Variants in AGBL4 observed in about 807,000 individuals in gnomAD.
AGBL4 encodes the protein AGBL carboxypeptidase 4.
Under a neutral mutation model 66.4 loss-of-function variants are expected in AGBL4, and 58 were observed. That is an observed-to-expected ratio of 0.87 (90% CI 0.71 to 1.09). The LOEUF is 1.09. Among genes scored for constraint, AGBL4 ranks in the 50% least tolerant of loss-of-function variants. The pLI is 0.00. For synonymous variants in AGBL4, 234 were observed against 222.9 expected, an observed-to-expected ratio of 1.05 and a Z score of -0.44; for missense variants, 579 against 631.0, an observed-to-expected ratio of 0.92 and a Z score of 0.88.
chr1:48,545,303 T>C (rs909855100), intron 11 of AGBL4, among the ~76,000 whole-genome samples: 2 of 151,896 alleles, frequency 1.3e-5, no homozygotes, highest in Non-Finnish European at 1.5e-5. Flanking sequence ...AAAATGGGCA[T>C]TTTCTGGGAC....
rs567830729 is a variant in AGBL4, at chr1:49,888,557, A to G, written c.35-37039T>C. ...AATATTTAATTAATAAATAAGAGTTAAACTAAAGGGATACATTACAACTGT... is the reference window on the plus strand; with the variant it reads ...AATATTTAATTAATAAATAAGAGTTGAACTAAAGGGATACATTACAACTGT... On this transcript the variant is annotated intron_variant, in intron 1 of 13. Transcript: ENST00000371839. Among the ~76,000 whole-genome samples, 17 of 152,344 alleles carry G rather than the reference A, an allele frequency of 1.1e-4. No homozygotes were observed. The South Asian group carries it at 3.5e-3, about 32-fold the overall frequency.
Position 49,881,715 on chromosome 1 carries a change from C to G in AGBL4, c.35-30197G>C, listed in dbSNP as rs569350387. On this transcript the variant is annotated intron_variant, in intron 1 of 13. Coordinates refer to ENST00000371839, the MANE Select transcript of AGBL4 (RefSeq NM_032785.4). ...GAGAAGTGTCTGTTCATGTCCCTCGCCCACTTTTTGATGGGGTTGTTTGTT... is the reference window on the plus strand; with the variant it reads ...GAGAAGTGTCTGTTCATGTCCCTCGGCCACTTTTTGATGGGGTTGTTTGTT... Among the ~76,000 whole-genome samples, 236 of 151,048 alleles carry G rather than the reference C, an allele frequency of 1.6e-3. 1 individual carries two copies. Among genetic ancestry groups the G allele is most frequent in the African/African-American group, 4.9e-3 (201 of 40,964 alleles).
intron 5 of AGBL4, among the ~76,000 whole-genome samples, chr1:49,030,435 G>C (rs1664115326): frequency 6.6e-6 from 1 of 152,166 alleles, no homozygotes; most frequent in Admixed American, 6.5e-5. Context: ...TGTTGTTTAA[G>C]CCAGGGGTCC....
At chr1:49,353,398 C>T (rs866535809) in intron 3 of AGBL4, among the ~76,000 whole-genome samples, 6 of 152,138 alleles carry the variant, frequency 3.9e-5, no homozygotes, top group Non-Finnish European at 5.9e-5. Flanking sequence ...GTGGCCTCCA[C>T]TAGAGAGTCC....
intron 3 of AGBL4, among the ~76,000 whole-genome samples, chr1:49,360,467 T>G (rs985444733): frequency 6.6e-6 from 1 of 152,198 alleles, no homozygotes; most frequent in Non-Finnish European, 1.5e-5. Flanking sequence ...GTAACAATGA[T>G]TATGAAAAAA....
Position 49,677,510 on chromosome 1 carries a change from T to C in AGBL4, c.282+19803A>G, listed in dbSNP as rs138328021. Reference sequence around the variant, plus strand: ...ATAAATTCTCTTTACAAATATTTTGTTCACAAATTTTGCATCCATATTGGT... The same window carrying C: ...ATAAATTCTCTTTACAAATATTTTGCTCACAAATTTTGCATCCATATTGGT... On this transcript the variant is annotated intron_variant, in intron 3 of 13. Coordinates refer to ENST00000371839, the MANE Select transcript of AGBL4 (RefSeq NM_032785.4). Among the ~76,000 whole-genome samples the C allele has an allele frequency of 8.3e-3, 1,259 of 152,248 alleles. 9 individuals are homozygous for C. The highest frequency in any genetic ancestry group is 0.031 in the Middle Eastern group (9 of 294).
Position 49,845,871 on chromosome 1 carries a change from G to A in AGBL4, c.157+5525C>T, listed in dbSNP as rs1018450965. Reference sequence around the variant, plus strand: ...GTGGGAAGGCCTTCCTTCTGGCAGAGCACAAACCTCACACACCAGCAAATC... The same window carrying A: ...GTGGGAAGGCCTTCCTTCTGGCAGAACACAAACCTCACACACCAGCAAATC... On this transcript the variant is annotated intron_variant, in intron 2 of 13. Transcript: ENST00000371839. 42 of 1,414,562 alleles carry A rather than the reference G, an allele frequency of 3.0e-5. No individual in the cohort carries two copies. In the African/African-American group the frequency reaches 5.1e-4, roughly 17 times the overall value. The allele number at this position is 1,414,562 out of a possible 1,614,324, so 87.6% of individuals were successfully genotyped here.
chr1:48,950,645 G>A (rs1267200703), intron 5 of AGBL4, among the ~76,000 whole-genome samples: 1 of 152,108 alleles, frequency 6.6e-6, no homozygotes, highest in Non-Finnish European at 1.5e-5. Context: ...AGAGTCTTTA[G>A]GTTTTTAAGA....
Position 49,981,534 on chromosome 1 carries a change from TAC to T in AGBL4, c.34+42227_34+42228del, listed in dbSNP as rs71706977. Among the ~76,000 whole-genome samples, 1,221 of 151,908 alleles carry T rather than the reference TAC, an allele frequency of 8.0e-3. 9 individuals are homozygous for T. The highest frequency in any genetic ancestry group is 0.031 in the Middle Eastern group (9 of 290). Reference sequence around the variant, plus strand: ...TTTTAAACTAAAAATATTTAATATATACACACTATATATGTATATAAATATAT... The same window carrying T: ...TTTTAAACTAAAAATATTTAATATATACACTATATATGTATATAAATATAT... On this transcript the variant is annotated intron_variant, in intron 1 of 13. Transcript: ENST00000371839.
At chr1:49,400,079 A>G (rs1036351867) in intron 3 of AGBL4, among the ~76,000 whole-genome samples, 1 of 152,234 alleles carries the variant, frequency 6.6e-6, no homozygotes, top group Non-Finnish European at 1.5e-5. Flanking sequence ...GTGAGATTCT[A>G]GTTTCATTCT....
intron 2 of AGBL4, among the ~76,000 whole-genome samples, chr1:49,807,899 G>T (rs1309669649): frequency 6.6e-6 from 1 of 152,226 alleles, no homozygotes; most frequent in Non-Finnish European, 1.5e-5. Context: ...TTCCACCCAT[G>T]TGAGGGCACA....
chr1:49,084,924 C>T (rs895120326), intron 4 of AGBL4, among the ~76,000 whole-genome samples: 1 of 152,146 alleles, frequency 6.6e-6, no homozygotes, highest in African/African-American at 2.4e-5. Flanking sequence ...ATTCTAAGTT[C>T]TCTTCACTTA....
chr1:48,561,703 C>T (rs79937943), intron 11 of AGBL4, among the ~76,000 whole-genome samples: 1 of 152,150 alleles, frequency 6.6e-6, no homozygotes, highest in African/African-American at 2.4e-5. Flanking sequence ...CTCCTGACTA[C>T]TTGAGCTGGG....
intron 6 of AGBL4, chr1:48,776,656 CG>C: frequency 2.0e-6 from 3 of 1,480,812 alleles, no homozygotes; most frequent in East Asian, 3.0e-5. Flanking sequence ...GCCCCAGTCG[CG>C]GGGGGCGCGC....
intron 3 of AGBL4, among the ~76,000 whole-genome samples, chr1:49,509,482 T>C (rs993044274): frequency 2.0e-5 from 3 of 151,914 alleles, no homozygotes; most frequent in African/African-American, 7.2e-5. Flanking sequence ...TATAAAAACA[T>C]GTGTCTCTTA....
At chr1:49,546,613 A>G (rs1652511926) in intron 3 of AGBL4, among the ~76,000 whole-genome samples, 1 of 152,156 alleles carries the variant, frequency 6.6e-6, no homozygotes, top group Non-Finnish European at 1.5e-5. Context: ...TGGCTGTACT[A>G]GTCCCACCAG....
At chr1:49,047,489 A>G (rs181906053) in intron 4 of AGBL4, among the ~76,000 whole-genome samples, 3 of 152,294 alleles carry the variant, frequency 2.0e-5, no homozygotes, top group Admixed American at 2.0e-4. Flanking sequence ...ATGGAAATAT[A>G]TCTTCAAGAC....
chr1:48,527,608 A>T, the AGBL4 span, among the ~76,000 whole-genome samples: 1 of 151,334 alleles, frequency 6.6e-6, no homozygotes, highest in African/African-American at 2.4e-5. Context: ...AAAAAAAAAA[A>T]TTGATAAACA....
At chr1:48,773,526 T>C (rs1201796723) in intron 6 of AGBL4, among the ~76,000 whole-genome samples, 1 of 151,870 alleles carries the variant, frequency 6.6e-6, no homozygotes, top group African/African-American at 2.4e-5. Flanking sequence ...GGGAGGATGG[T>C]AATGGAGAAA....
Sources: allele counts gnomAD v4.1 joint callset (sites outside exome capture counted in the v4.1 genomes callset), GRCh38; gene constraint gnomAD v4.1.1; transcripts MANE v1.5; gene names NCBI Gene and HGNC (gene_info 2026-07-23, HGNC 2026-07-21).